PIK3C2G: variants seen among roughly 807,000 people sequenced by gnomAD.
PIK3C2G encodes the protein phosphatidylinositol 3-kinase C2 domain-containing subunit gamma.
PIK3C2G carries 168 observed loss-of-function variants against 181.1 expected under a neutral mutation model. The observed-to-expected ratio is 0.93, with a 90% CI of 0.82 to 1.05. PIK3C2G has a LOEUF of 1.05. Among genes scored for constraint, PIK3C2G ranks in the 50% least tolerant of loss-of-function variants. PIK3C2G has a pLI of 0.00. For synonymous variants in PIK3C2G, 573 were observed against 592.2 expected, an observed-to-expected ratio of 0.97 and a Z score of 0.47; for missense variants, 1,869 against 1,732.8, an observed-to-expected ratio of 1.08 and a Z score of -1.40.
intron 13 of PIK3C2G, among the ~76,000 whole-genome samples, chr12:18,377,208 T>C (rs965548479): frequency 6.6e-6 from 1 of 152,194 alleles, no homozygotes; most frequent in African/African-American, 2.4e-5. Flanking sequence ...GATAATTGCT[T>C]TATTTAAACA....
chr12:18,340,160 C>T (rs781466876), intron 9 of PIK3C2G, among the ~76,000 whole-genome samples: 1 of 152,040 alleles, frequency 6.6e-6, no homozygotes, highest in Non-Finnish European at 1.5e-5. Flanking sequence ...TTTTTCTATT[C>T]TGCTTCAGAG....
the PIK3C2G span, among the ~76,000 whole-genome samples, chr12:18,688,621 C>T: frequency 6.6e-6 from 1 of 150,944 alleles, no homozygotes; most frequent in Non-Finnish European, 1.5e-5. Flanking sequence ...AAAAATGTAC[C>T]ATTTAACTCC....
At chr12:18,341,127 A>G (rs926104578) in intron 9 of PIK3C2G, among the ~76,000 whole-genome samples, 1 of 152,188 alleles carries the variant, frequency 6.6e-6, no homozygotes, top group African/African-American at 2.4e-5. Flanking sequence ...TAATTTTAGG[A>G]TGAAGTATTT....
At chr12:18,586,564 T>G (rs1946790481) in intron 29 of PIK3C2G, among the ~76,000 whole-genome samples, 1 of 152,080 alleles carries the variant, frequency 6.6e-6, no homozygotes, top group Non-Finnish European at 1.5e-5. Flanking sequence ...GCTCTGAAAT[T>G]GAATCAGTAA....
intron 31 of PIK3C2G, among the ~76,000 whole-genome samples, chr12:18,615,931 T>C (rs1948591952): frequency 6.6e-6 from 1 of 152,124 alleles, no homozygotes; most frequent in Non-Finnish European, 1.5e-5. Flanking sequence ...AGCTATAACC[T>C]ACCTCTAATA....
chr12:18,599,903 A>C (rs910135157), intron 30 of PIK3C2G, among the ~76,000 whole-genome samples: 3 of 151,944 alleles, frequency 2.0e-5, no homozygotes, highest in Non-Finnish European at 4.4e-5. Flanking sequence ...AGGCGCAGTT[A>C]TGACTTCATA....
chr12:18,257,778 A>G (rs1948161260), upstream of PIK3C2G, among the ~76,000 whole-genome samples: 1 of 151,456 alleles, frequency 6.6e-6, no homozygotes, highest in African/African-American at 2.4e-5. Flanking sequence ...GAAGAAGAAA[A>G]AGAAAGAAAG....
At chr12:18,550,631 A>G (rs899122642) in intron 26 of PIK3C2G, among the ~76,000 whole-genome samples, 7 of 152,090 alleles carry the variant, frequency 4.6e-5, no homozygotes, top group African/African-American at 9.7e-5. Flanking sequence ...ATATACATAT[A>G]ATATGAGCCC....
intron 6 of PIK3C2G, 88 bp from the exon 7 acceptor site, chr12:18,320,874 A>C (rs1447162086): frequency 9.7e-6 from 7 of 721,702 alleles, no homozygotes; most frequent in African/African-American, 1.8e-5. Context: ...TAGGTGAATA[A>C]AATGACAGCA....
intron 13 of PIK3C2G, among the ~76,000 whole-genome samples, chr12:18,376,865 C>T (rs1291507614): frequency 6.6e-6 from 1 of 152,188 alleles, no homozygotes; most frequent in Admixed American, 6.5e-5. Context: ...TGCCTTCCAC[C>T]ATGATTGGAA....
chr12:18,293,777 C>A, intron 4 of PIK3C2G, 124 bp from the exon 5 acceptor site: 1 of 625,952 alleles, frequency 1.6e-6, no homozygotes. Context: ...ATTTAATTCC[C>A]CTTGATGAAG....
the PIK3C2G span, among the ~76,000 whole-genome samples, chr12:18,665,154 T>C: frequency 6.6e-6 from 1 of 150,890 alleles, no homozygotes; most frequent in Non-Finnish European, 1.5e-5. Context: ...ACTTAAAGCA[T>C]AATAATAATA....
At chr12:18,356,722 C>A (rs1378377538) in intron 11 of PIK3C2G, among the ~76,000 whole-genome samples, 1 of 152,004 alleles carries the variant, frequency 6.6e-6, no homozygotes, top group African/African-American at 2.4e-5. Context: ...TGGAGTTCGG[C>A]CATCGCTGGC....
intron 26 of PIK3C2G, among the ~76,000 whole-genome samples, chr12:18,548,901 C>G (rs958762255): frequency 1.3e-5 from 2 of 152,020 alleles, no homozygotes; most frequent in Non-Finnish European, 2.9e-5. Flanking sequence ...AACTACCCGC[C>G]CCCTGTCTCC....
rs375452350 is a variant in PIK3C2G at position 18,625,532 on chromosome 12, G to A, written c.4183-14897G>A. 1.2e-4 allele frequency among the ~76,000 whole-genome samples: 18 copies of A among 151,820 alleles called. No individual in the cohort carries two copies. The East Asian group carries it at 1.4e-3, about 11-fold the overall frequency. On this transcript the variant is annotated intron_variant, in intron 31 of 32. Coordinates refer to ENST00000538779, the MANE Select transcript of PIK3C2G (RefSeq NM_001288772.2). ...GGAATGTTCCAGATACATCCATTGC[G>A]TCCTTTTGGTCTAAAGTGTTGTTCA...
the PIK3C2G span, chr12:18,714,603 T>C: frequency 9.2e-5 from 14 of 152,268 alleles, no homozygotes; most frequent in East Asian, 7.7e-4. Context: ...AAAGCTCCCT[T>C]GTCATACATA....
chr12:18,724,175 T>C, the PIK3C2G span, among the ~76,000 whole-genome samples: 1 of 152,254 alleles, frequency 6.6e-6, no homozygotes, highest in Non-Finnish European at 1.5e-5. Context: ...TGATTAGTTG[T>C]GCATTTCCAA....
intron 17 of PIK3C2G, among the ~76,000 whole-genome samples, chr12:18,423,461 G>A (rs529703392): frequency 6.6e-6 from 1 of 152,122 alleles, no homozygotes; most frequent in South Asian, 2.1e-4. Context: ...ATGAAAGAAA[G>A]GATTTGGGAC....
At chr12:18,444,905 C>T (rs971024490) in intron 18 of PIK3C2G, among the ~76,000 whole-genome samples, 3 of 151,986 alleles carry the variant, frequency 2.0e-5, no homozygotes, top group African/African-American at 7.2e-5. Flanking sequence ...TGTCCTTACC[C>T]ATAATTAAAA....
Sources: allele counts gnomAD v4.1 joint callset (sites outside exome capture counted in the v4.1 genomes callset), GRCh38; gene constraint gnomAD v4.1.1; transcripts MANE v1.5; gene names NCBI Gene and HGNC (gene_info 2026-07-23, HGNC 2026-07-21).